PMS1: variants seen among roughly 807,000 people sequenced by gnomAD.
PMS1 encodes PMS1 protein homolog 1.
PMS1 carries 79 observed loss-of-function variants against 93.1 expected under a neutral mutation model. The observed-to-expected ratio is 0.85, with a 90% confidence interval of 0.71 to 1.02. PMS1 has a LOEUF of 1.02. Ranked by LOEUF, PMS1 falls within the 50% of genes least tolerant of loss-of-function variation. The pLI is 0.00. For missense variants in PMS1, 1,064 were observed against 1,085.3 expected (o/e 0.98, Z 0.28); for synonymous variants, 335 against 363.4 (o/e 0.92, Z 0.89).
intron 5 of PMS1, among the ~76,000 whole-genome samples, chr2:189,830,392 A>T (rs2052819579): frequency 6.6e-6 from 1 of 152,082 alleles, no homozygotes; most frequent in Admixed American, 6.6e-5. Flanking sequence ...ATTTTCCCTC[A>T]AGTAACTGGT....
intron 11 of PMS1, among the ~76,000 whole-genome samples, chr2:189,870,431 A>G (rs1218132857): frequency 1.3e-5 from 2 of 152,188 alleles, no homozygotes; most frequent in Non-Finnish European, 2.9e-5. Flanking sequence ...TTGTCAAACC[A>G]CTTACTCATT....
At chr2:189,844,643 CA>C (rs752620656) in intron 6 of PMS1, among the ~76,000 whole-genome samples, 9,781 of 62,480 alleles carry the variant, frequency 0.16, 386 homozygotes, top group East Asian at 0.27. Context: ...GATTCCATCT[CA>C]AAAAAAAAAA....
chr2:189,822,995 G>C (rs1178509423), intron 5 of PMS1, among the ~76,000 whole-genome samples: 1 of 152,144 alleles, frequency 6.6e-6, no homozygotes, highest in Non-Finnish European at 1.5e-5. Flanking sequence ...ACATCTACGA[G>C]ATTACTTTGG....
At chr2:189,791,357 C>T (rs925068801) in intron 1 of PMS1, among the ~76,000 whole-genome samples, 17 of 152,076 alleles carry the variant, frequency 1.1e-4, no homozygotes, top group African/African-American at 3.4e-4. Flanking sequence ...TGGTGGCTCA[C>T]GCCTGTAATC....
chr2:189,864,532 T>G (rs1229619072), intron 10 of PMS1, among the ~76,000 whole-genome samples: 2 of 148,088 alleles, frequency 1.4e-5, no homozygotes, highest in East Asian at 4.0e-4. Context: ...GGCACGCACC[T>G]GTAGTCCCAG....
chr2:189,846,234 C>G (rs538404701), intron 6 of PMS1, among the ~76,000 whole-genome samples: 2 of 151,168 alleles, frequency 1.3e-5, no homozygotes, highest in African/African-American at 4.9e-5. Context: ...AAAATTGGCC[C>G]GGTGTGGTGG....
chr2:189,864,667 AAAAAAAAAAAAAAAAAAAAAATAT>A (rs2056403759), intron 10 of PMS1, among the ~76,000 whole-genome samples: 1 of 33,860 alleles, frequency 3.0e-5, no homozygotes, highest in Non-Finnish European at 5.4e-5. Context: ...GAAAAAAAAA[AAAAAAAAAAAAAAAAAAAAAATAT>A]ATATATATAT....
chr2:189,864,295 C>A (rs913923903), intron 10 of PMS1, 67 bp downstream of exon 10: 2 of 1,094,676 alleles, frequency 1.8e-6, no homozygotes, highest in Middle Eastern at 2.7e-4. Flanking sequence ...AGATTAAAAT[C>A]GAAGGTAGAA....
At chr2:189,874,308 C>T (rs1414924366) in intron 12 of PMS1, among the ~76,000 whole-genome samples, 3 of 152,100 alleles carry the variant, frequency 2.0e-5, no homozygotes, top group Admixed American at 1.3e-4. Flanking sequence ...CTTTATATTA[C>T]ATACTTGTCT....
At chr2:189,818,261 G>T in intron 5 of PMS1, 81 bp downstream of exon 5, 2 of 915,102 alleles carry the variant, frequency 2.2e-6, no homozygotes, top group Non-Finnish European at 3.4e-6. Flanking sequence ...GTTAGATATG[G>T]GCTATGACTA....
intron 5 of PMS1, among the ~76,000 whole-genome samples, chr2:189,832,813 G>A (rs900777444): frequency 7.2e-5 from 11 of 152,180 alleles, no homozygotes; most frequent in Non-Finnish European, 1.5e-4. Flanking sequence ...CTTTAGTGCT[G>A]TTTGAAAGGT....
At chr2:189,859,411 G>C (rs1043535982) in intron 9 of PMS1, among the ~76,000 whole-genome samples, 13 of 152,180 alleles carry the variant, frequency 8.5e-5, no homozygotes, top group African/African-American at 3.1e-4. Flanking sequence ...CAGAGTCTGT[G>C]TTATTAATCA....
At chr2:189,844,353 A>G (rs2054065407) in intron 6 of PMS1, among the ~76,000 whole-genome samples, 1 of 152,166 alleles carries the variant, frequency 6.6e-6, no homozygotes. Context: ...CTATAAAAGA[A>G]AAATAGTTGG....
chr2:189,784,784 GGT>G (rs1347753329), intron 1 of PMS1, 191 bp downstream of exon 1: 1 of 152,422 alleles, frequency 6.6e-6, no homozygotes, highest in Non-Finnish European at 1.5e-5. Flanking sequence ...TGGGCTCCGG[GGT>G]GTTCTGGCTT....
intron 5 of PMS1, among the ~76,000 whole-genome samples, chr2:189,819,547 T>C (rs923799474): frequency 6.6e-6 from 1 of 152,198 alleles, no homozygotes; most frequent in Admixed American, 6.5e-5. Flanking sequence ...ACATCTGTTA[T>C]TTTTCATCCT....
chr2:189,852,857 T>C (rs769433768), intron 7 of PMS1, 80 bp downstream of exon 7: 6 of 888,052 alleles, frequency 6.8e-6, no homozygotes, highest in Non-Finnish European at 9.2e-6. Context: ...AAGAATTTGC[T>C]CTAAAATAAA....
At chr2:189,847,000 T>C (rs2054309128) in intron 6 of PMS1, among the ~76,000 whole-genome samples, 1 of 152,012 alleles carries the variant, frequency 6.6e-6, no homozygotes, top group Non-Finnish European at 1.5e-5. Flanking sequence ...TAGCTGGGAT[T>C]GCAGGTGCGC....
intron 3 of PMS1, among the ~76,000 whole-genome samples, chr2:189,797,890 C>T (rs1266861899): frequency 1.3e-5 from 2 of 152,184 alleles, no homozygotes; most frequent in Admixed American, 6.5e-5. Flanking sequence ...GATTCCAGCT[C>T]AGTACAGATA....
chr2:189,797,878 A>G (rs2049501107), intron 3 of PMS1, among the ~76,000 whole-genome samples: 1 of 152,206 alleles, frequency 6.6e-6, no homozygotes, highest in African/African-American at 2.4e-5. Context: ...TTTTGTGGCT[A>G]GGATTCCAGC....
Sources: allele counts gnomAD v4.1 joint callset (sites outside exome capture counted in the v4.1 genomes callset), GRCh38; gene constraint gnomAD v4.1.1; transcripts MANE v1.5; gene names NCBI Gene and HGNC (gene_info 2026-07-23, HGNC 2026-07-21).